ZC3HAV1: variants seen among roughly 807,000 people sequenced by gnomAD.
ZC3HAV1 encodes zinc finger CCCH-type antiviral protein 1.
ZC3HAV1 carries 41 observed loss-of-function variants against 86.6 expected under a neutral mutation model. The observed-to-expected ratio is 0.47, with a 90% CI of 0.37 to 0.61. The LOEUF (loss-of-function observed/expected upper bound fraction) is 0.61. Among genes scored for constraint, ZC3HAV1 ranks in the 20% least tolerant of loss-of-function variants. The pLI, the probability that ZC3HAV1 is intolerant of heterozygous loss-of-function variation, is 0.00. For missense variants in ZC3HAV1, 964 were observed against 1,141.1 expected (o/e 0.84, Z 2.24); for synonymous variants, 421 against 432.1 (o/e 0.97, Z 0.32).
intron 9 of ZC3HAV1, chr7:139,060,798 G>GAGACTCGCTCAGACTTCCCTTTC: frequency 7.2e-7 from 1 of 1,391,416 alleles, no homozygotes; most frequent in African/African-American, 1.5e-5. Flanking sequence ...GAGTATTTAG[G>GAGACTCGCTCAGACTTCCCTTTC]AGACTCGCTC....
intron 1 of ZC3HAV1, among the ~76,000 whole-genome samples, chr7:139,097,418 A>ATTTTTT (rs1563140611): frequency 5.0e-4 from 39 of 78,446 alleles, no homozygotes; most frequent in African/African-American, 2.8e-3. Flanking sequence ...ATATATATAT[A>ATTTTTT]TATATATATA....
chr7:139,096,631 A>ACC (rs1817595425), intron 1 of ZC3HAV1, among the ~76,000 whole-genome samples: 1 of 152,128 alleles, frequency 6.6e-6, no homozygotes, highest in Admixed American at 6.5e-5. Flanking sequence ...AAGTCATAGA[A>ACC]CCCCTAATCT....
intron 12 of ZC3HAV1, among the ~76,000 whole-genome samples, chr7:139,052,432 C>G (rs541871774): frequency 6.7e-6 from 1 of 150,294 alleles, no homozygotes; most frequent in Non-Finnish European, 1.5e-5. Context: ...ATGGAGAAAC[C>G]CAGTCTCTAC....
At chr7:139,100,138 C>T (rs190812728) in intron 1 of ZC3HAV1, among the ~76,000 whole-genome samples, 159 of 151,434 alleles carry the variant, frequency 1.0e-3, no homozygotes, top group African/African-American at 3.8e-3. Context: ...AAGTAAAATG[C>T]GAATAAGAAG....
At chr7:139,073,710 C>G in intron 7 of ZC3HAV1, 146 bp downstream of exon 7, 1 of 642,636 alleles carries the variant, frequency 1.6e-6, no homozygotes, top group Non-Finnish European at 2.2e-6. Context: ...AGGCTGGTCT[C>G]GAACTCCTGA....
At chr7:139,060,902 C>G (rs2130676763) in intron 9 of ZC3HAV1, 134 bp downstream of exon 9, 1 of 1,582,978 alleles carries the variant, frequency 6.3e-7, no homozygotes, top group East Asian at 2.3e-5. Context: ...ATCGATAATG[C>G]AAATGGAAAC....
chr7:139,108,909 A>T lies in ZC3HAV1; in HGVS notation c.308+115T>A. ...CAGAGAAGGGAGTGGCTGGAGGCGG[A>T]GGCTGTCAGGTGCGGGGTCCCGGCG... On this transcript the variant is annotated intron_variant, in intron 1 of 12. Transcript: ENST00000242351. The surrounding 1 kb of genome is among the most constrained non-coding windows in gnomAD (Gnocchi z 4.2). 7.6e-7 allele frequency: 1 copy of T among 1,320,000 alleles called. No individual in the cohort carries two copies. Among genetic ancestry groups the T allele is most frequent in the Non-Finnish European group, 1.0e-6 (1 of 984,050 alleles). The allele number at this position is 1,320,000 out of a possible 1,614,324, so 81.8% of individuals were successfully genotyped here. A position where few individuals can be genotyped will look rare whatever the true frequency, so the allele number is the denominator to read the frequency against.
chr7:139,057,308 T>A (rs895285720), intron 9 of ZC3HAV1, among the ~76,000 whole-genome samples: 4 of 108,404 alleles, frequency 3.7e-5, no homozygotes, highest in African/African-American at 1.2e-4. Context: ...CAGTGAGCCA[T>A]GATCACACCA....
chr7:139,056,856 C>A (rs962525559), intron 9 of ZC3HAV1, among the ~76,000 whole-genome samples: 11 of 152,132 alleles, frequency 7.2e-5, no homozygotes, highest in Admixed American at 7.2e-4. Flanking sequence ...TCTAAATAGT[C>A]ATTGTTTAAG....
chr7:139,097,716 A>C (rs1032415504), intron 1 of ZC3HAV1, among the ~76,000 whole-genome samples: 1 of 151,668 alleles, frequency 6.6e-6, no homozygotes, highest in Admixed American at 6.6e-5. Context: ...TTACAGGCAT[A>C]AGCCACCAAG....
chr7:139,068,615 G>T (rs918964481), intron 7 of ZC3HAV1, among the ~76,000 whole-genome samples: 1 of 152,104 alleles, frequency 6.6e-6, no homozygotes, highest in Admixed American at 6.6e-5. Flanking sequence ...TGAAATTGCC[G>T]CATGTGGCAA....
In ZC3HAV1 at chr7:139,053,446, C is replaced by A; in HGVS notation, c.2449+5G>T. On this transcript the variant is annotated splice_donor_5th_base_variant and intron_variant, in intron 12 of 12. Transcript: ENST00000242351. ...CTAGTTACGCTTCTCTATCCCGGCACTAACCTTTTCCGTATTTGTTTTCAT... is the reference window on the plus strand; with the variant it reads ...CTAGTTACGCTTCTCTATCCCGGCAATAACCTTTTCCGTATTTGTTTTCAT... The A allele has an allele frequency of 6.3e-7, 1 of 1,582,662 alleles. No homozygotes were observed. The highest frequency in any genetic ancestry group is 8.6e-7 in the Non-Finnish European group (1 of 1,166,390).
chr7:139,094,282 A>G (rs2130725618), intron 1 of ZC3HAV1, among the ~76,000 whole-genome samples: 1 of 152,254 alleles, frequency 6.6e-6, no homozygotes, highest in South Asian at 2.1e-4. Flanking sequence ...CTTGGAGTAT[A>G]GGCAGCTCAG....
chr7:139,108,668 C>T lies in ZC3HAV1; in HGVS notation c.308+356G>A, dbSNP rs1431440984. 6.6e-6 allele frequency among the ~76,000 whole-genome samples: 1 copy of T among 152,232 alleles called. No homozygotes were observed. The highest frequency in any genetic ancestry group is 1.5e-5 in the Non-Finnish European group (1 of 68,038). ...AAGACGGGAGGCTCTTTCCTTCCTTCCCAAACCTGCCTACCGCTTCTCTAG... is the reference window on the plus strand; with the variant it reads ...AAGACGGGAGGCTCTTTCCTTCCTTTCCAAACCTGCCTACCGCTTCTCTAG... On this transcript the variant is annotated intron_variant, in intron 1 of 12. Coordinates refer to ENST00000242351, the MANE Select transcript of ZC3HAV1 (RefSeq NM_020119.4). The surrounding 1 kb of genome is among the most constrained non-coding windows in gnomAD (Gnocchi z 4.2).
At chr7:139,089,519 A>C in intron 2 of ZC3HAV1, 105 bp downstream of exon 2, 3 of 1,391,544 alleles carry the variant, frequency 2.2e-6, no homozygotes, top group Non-Finnish European at 2.9e-6. Context: ...CACCTGCAGA[A>C]CCCTGGCATT....
chr7:139,088,160 T>C (rs1817328846), intron 2 of ZC3HAV1, among the ~76,000 whole-genome samples: 1 of 152,098 alleles, frequency 6.6e-6, no homozygotes, highest in African/African-American at 2.4e-5. Flanking sequence ...ACTGTGAGGC[T>C]AACTTCTCTA....
Position 139,073,257 on chromosome 7 carries a change from C to T in ZC3HAV1, c.1872+599G>A, listed in dbSNP as rs149835723. ...GAGGTTGCAGTGAGCCAAGATAACGCCATTGCACTCCAGCATGGGTGATAA... is the reference window on the plus strand; with the variant it reads ...GAGGTTGCAGTGAGCCAAGATAACGTCATTGCACTCCAGCATGGGTGATAA... On this transcript the variant is annotated intron_variant, in intron 7 of 12. Transcript: ENST00000242351. Among the ~76,000 whole-genome samples the T allele has an allele frequency of 5.5e-4, 84 of 151,940 alleles. 1 individual carries two copies. The highest frequency in any genetic ancestry group is 1.8e-3 in the African/African-American group (75 of 41,416).
At position 139,079,079 on chromosome 7, in the gene ZC3HAV1, G is replaced by A. The variant is rs757578506; in HGVS notation, c.1471+391C>T. 9 of 1,535,090 alleles carry A rather than the reference G, an allele frequency of 5.9e-6. No individual in the cohort carries two copies. In the South Asian group the frequency reaches 7.1e-5, roughly 12 times the overall value. ...TCTGCTGCAGACTCAAGACACAGAGGCCCCTTTGTCCTTCAGTGACTTACA... is the reference window on the plus strand; with the variant it reads ...TCTGCTGCAGACTCAAGACACAGAGACCCCTTTGTCCTTCAGTGACTTACA... On this transcript the variant is annotated intron_variant, in intron 4 of 12. Coordinates refer to ENST00000242351, the MANE Select transcript of ZC3HAV1 (RefSeq NM_020119.4).
chr7:139,065,353 G>C (rs1816567589), intron 7 of ZC3HAV1, among the ~76,000 whole-genome samples: 2 of 152,186 alleles, frequency 1.3e-5, no homozygotes, highest in Non-Finnish European at 2.9e-5. Flanking sequence ...TCATCTAACA[G>C]AATCTGACAC....
Sources: allele counts gnomAD v4.1 joint callset (sites outside exome capture counted in the v4.1 genomes callset), GRCh38; gene constraint gnomAD v4.1.1; non-coding constraint Gnocchi (gnomAD v3.1); transcripts MANE v1.5; gene names NCBI Gene and HGNC (gene_info 2026-07-23, HGNC 2026-07-21).